Variants in CACNA1A observed in about 807,000 individuals in gnomAD.
CACNA1A encodes the protein calcium voltage-gated channel subunit alpha1 A, also known as voltage-dependent P/Q-type calcium channel subunit alpha-1A.
A neutral mutation model predicts 262.4 loss-of-function variants in CACNA1A; 57 were observed. The ratio of observed to expected loss-of-function variants is 0.22; its 90% CI spans 0.18 to 0.27. CACNA1A has a LOEUF of 0.27. Among genes scored for constraint, CACNA1A ranks in the 10% least tolerant of loss-of-function variants. CACNA1A has a pLI of 1.00. For missense variants in CACNA1A, 2,526 were observed against 3,562.8 expected (o/e 0.71, Z 7.41); for synonymous variants, 1,431 against 1,419.3 (o/e 1.01, Z -0.18).
chr19:13,471,569 C>T (rs2145037495), intron 1 of CACNA1A, among the ~76,000 whole-genome samples: 1 of 152,312 alleles, frequency 6.6e-6, no homozygotes, highest in African/African-American at 2.4e-5. Flanking sequence ...ACTGTCCCTT[C>T]CCACAGAAAT....
At chr19:13,489,599 C>T (rs1980515762) in intron 1 of CACNA1A, among the ~76,000 whole-genome samples, 1 of 152,220 alleles carries the variant, frequency 6.6e-6, no homozygotes, top group African/African-American at 2.4e-5. Context: ...TGATCCAAGA[C>T]TATGGCCAAG....
rs2057414289 is a variant in CACNA1A at position 13,286,912 on chromosome 19, C to T, written c.3144G>A (p.Arg1048=). 3 of 1,612,756 alleles carry T rather than the reference C, an allele frequency of 1.9e-6. No individual in the cohort carries two copies. The highest frequency in any genetic ancestry group is 2.5e-6 in the Non-Finnish European group (3 of 1,179,534). ...GGCGGCCCAGGTCCTGCTGGATTGG[C>T]CGGGTGGTTGACAGGTTGGGGCCCG... ...PVSGPNLSTT[R]PIQQDLGRQD... Residue 1048 remains arginine (R), a synonymous_variant, in exon 20 of 47, where the codon CGG becomes CGA. Transcript: ENST00000360228.
intron 1 of CACNA1A, among the ~76,000 whole-genome samples, chr19:13,456,489 G>A (rs1378848693): frequency 6.6e-6 from 1 of 151,932 alleles, no homozygotes; most frequent in Non-Finnish European, 1.5e-5. Flanking sequence ...TGGCTAACAC[G>A]GTGAAACCCT....
intron 3 of CACNA1A, among the ~76,000 whole-genome samples, chr19:13,420,862 A>G (rs2060305499): frequency 1.3e-5 from 2 of 152,128 alleles, no homozygotes; most frequent in Admixed American, 1.3e-4. Flanking sequence ...GATTCAATAA[A>G]TATGGTAGCA....
At chr19:13,231,241 C>T (rs2055656180) in intron 35 of CACNA1A, among the ~76,000 whole-genome samples, 2 of 151,394 alleles carry the variant, frequency 1.3e-5, no homozygotes, top group Non-Finnish European at 1.5e-5. Context: ...TCTTGTATTC[C>T]TGGGCTCAAG....
intron 31 of CACNA1A, chr19:13,244,981 A>AC (rs373661384): frequency 8.0e-5 from 47 of 590,278 alleles, no homozygotes; most frequent in Middle Eastern, 8.9e-4. Flanking sequence ...AGCTTTGGTT[A>AC]CCCCCATCTC....
chr19:13,486,101 C>T (rs1217610117), intron 1 of CACNA1A, among the ~76,000 whole-genome samples: 2 of 152,214 alleles, frequency 1.3e-5, no homozygotes, highest in African/African-American at 4.8e-5. Flanking sequence ...ATATAAAACT[C>T]AAAACCACAT....
chr19:13,227,016 C>T (rs544208117), intron 37 of CACNA1A: 1 of 153,416 alleles, frequency 6.5e-6, no homozygotes, highest in African/African-American at 2.4e-5. Context: ...CCCCTCTCTG[C>T]AAGGCGCCTG....
chr19:13,386,221 C>G (rs143521663), intron 3 of CACNA1A, among the ~76,000 whole-genome samples: 1 of 152,152 alleles, frequency 6.6e-6, no homozygotes, highest in African/African-American at 2.4e-5. Context: ...CCACCACTAC[C>G]CGCCTTACTG....
intron 44 of CACNA1A, 57 bp from the exon 45 acceptor site, chr19:13,209,555 G>A (rs368210470): frequency 9.8e-6 from 12 of 1,218,312 alleles, no homozygotes; most frequent in African/African-American, 4.7e-5. Flanking sequence ...AAGTGGTCCC[G>A]GTCCTTCCTG....
intron 30 of CACNA1A, among the ~76,000 whole-genome samples, chr19:13,249,820 T>TGAACCTA (rs56411601): frequency 0.69 from 104,899 of 151,204 alleles, 36,949 homozygotes; most frequent in East Asian, 0.98. Flanking sequence ...AGGCAAGATC[T>TGAACCTA]GAACTCTGGT....
intron 28 of CACNA1A, 79 bp downstream of exon 28, chr19:13,257,271 G>A: frequency 2.5e-6 from 3 of 1,191,756 alleles, no homozygotes; most frequent in Non-Finnish European, 3.7e-6. Flanking sequence ...CCTAGAAAGG[G>A]GTTCCTGGGT....
chr19:13,282,392 G>A (rs4926255), intron 22 of CACNA1A, among the ~76,000 whole-genome samples: 67,818 of 151,830 alleles, frequency 0.45, 16,816 homozygotes, highest in East Asian at 0.86. Flanking sequence ...AGGCCCTGGG[G>A]TCAAGCCTCT....
intron 3 of CACNA1A, among the ~76,000 whole-genome samples, chr19:13,385,139 A>G (rs967428516): frequency 1.3e-5 from 2 of 152,114 alleles, no homozygotes; most frequent in African/African-American, 4.8e-5. Flanking sequence ...TGGTGCATAC[A>G]TACATACTTC....
chr19:13,336,227 A>C (rs2058562475), intron 6 of CACNA1A, among the ~76,000 whole-genome samples: 1 of 152,192 alleles, frequency 6.6e-6, no homozygotes, highest in Admixed American at 6.5e-5. Flanking sequence ...AACAAAACAC[A>C]AAACCTATTG....
intron 24 of CACNA1A, chr19:13,271,670 T>C (rs1184554073): frequency 2.6e-5 from 4 of 152,140 alleles, no homozygotes; most frequent in African/African-American, 9.7e-5. Flanking sequence ...GCTCAACAAT[T>C]GAAAGGCTTG....
At chr19:13,412,063 A>C (rs2060120537) in intron 3 of CACNA1A, among the ~76,000 whole-genome samples, 1 of 151,728 alleles carries the variant, frequency 6.6e-6, no homozygotes, top group Non-Finnish European at 1.5e-5. Flanking sequence ...GCAAATCTAA[A>C]ATTAAGTCAA....
At chr19:13,210,477 C>T in intron 44 of CACNA1A, 140 bp downstream of exon 44, 1 of 716,170 alleles carries the variant, frequency 1.4e-6, no homozygotes, top group Non-Finnish European at 2.4e-6. Flanking sequence ...GGATTGGGCT[C>T]CATGGAGGGG....
Position 13,214,314 on chromosome 19 carries a change from C to T in CACNA1A, c.5859G>A (p.Gly1953=), listed in dbSNP as rs200625174. Residue 1953 remains glycine, a synonymous_variant, in exon 40 of 47, where the codon GGG becomes GGA. Coordinates refer to ENST00000360228, the MANE Select transcript of CACNA1A (RefSeq NM_001127222.2). This position sits in a 1 kb window ranked among gnomAD's most constrained non-coding sequence, Gnocchi z 4.1. ...TGATCATCATGGCTGCGTAGATCTT[C>T]CCCACGGTGAGGTCCGTGGCTGGGG... ...TPHKSTDLTV[G]KIYAAMMIME... The T allele has an allele frequency of 7.4e-5, 119 of 1,612,776 alleles. No individual in the cohort carries two copies. The East Asian group carries it at 2.3e-3, about 31-fold the overall frequency.
Sources: gnomAD v4.1 joint callset for allele counts (sites outside exome capture counted in the v4.1 genomes callset) on GRCh38, gnomAD v4.1.1 for gene constraint, Gnocchi (gnomAD v3.1) non-coding constraint, MANE v1.5 for transcripts, NCBI Gene and HGNC (gene_info 2026-07-23, HGNC 2026-07-21) for gene names.